The following RNF180 variants were observed in gnomAD, a reference collection of about 807,000 sequenced individuals.
RNF180 encodes ring finger protein 180, also known as E3 ubiquitin-protein ligase RNF180.
Under a neutral mutation model 59.2 loss-of-function variants are expected in RNF180, and 38 were observed. That is an observed-to-expected ratio of 0.64 (90% confidence interval 0.50 to 0.84). The LOEUF is 0.84. Ranked by LOEUF, RNF180 falls within the 40% of genes least tolerant of loss-of-function variation. RNF180 has a pLI of 0.00. For synonymous variants in RNF180, 262 were observed against 240.3 expected (o/e 1.09, Z -0.84); for missense variants, 705 against 700.9 (o/e 1.01, Z -0.07).
chr5:64,258,558 G>A (rs1019102013), intron 5 of RNF180, among the ~76,000 whole-genome samples: 1 of 152,098 alleles, frequency 6.6e-6, no homozygotes, highest in Non-Finnish European at 1.5e-5. Flanking sequence ...ATGAATGGGG[G>A]TGCTATTCCC....
At chr5:64,369,572 A>G (rs1746584860) in intron 7 of RNF180, 43 bp from the exon 8 acceptor site, 1 of 1,253,076 alleles carries the variant, frequency 8.0e-7, no homozygotes, top group Non-Finnish European at 1.1e-6. Context: ...TCTGAGCACT[A>G]GCTTGAATTT....
intron 5 of RNF180, among the ~76,000 whole-genome samples, chr5:64,307,568 C>T (rs1049805193): frequency 2.2e-4 from 34 of 151,550 alleles, no homozygotes; most frequent in Admixed American, 1.4e-3. Context: ...AGATGTTCCT[C>T]AACTTACAGT....
At chr5:64,314,840 A>C (rs1408178416) in intron 5 of RNF180, among the ~76,000 whole-genome samples, 2 of 152,164 alleles carry the variant, frequency 1.3e-5, no homozygotes, top group South Asian at 2.1e-4. Context: ...CTAGCTAGAC[A>C]TGCAGTCAGA....
At chr5:64,361,949 T>G (rs1233759123) in intron 7 of RNF180, among the ~76,000 whole-genome samples, 2 of 151,292 alleles carry the variant, frequency 1.3e-5, no homozygotes, top group Non-Finnish European at 3.0e-5. Context: ...GATATTAGAG[T>G]GGTTTGTGAT....
chr5:64,181,468 G>A (rs1287535780), intron 1 of RNF180, among the ~76,000 whole-genome samples: 1 of 152,188 alleles, frequency 6.6e-6, no homozygotes, highest in Non-Finnish European at 1.5e-5. Context: ...TTTTAAATGG[G>A]TTTCCTCTCC....
intron 6 of RNF180, among the ~76,000 whole-genome samples, chr5:64,327,502 A>G (rs1375444343): frequency 3.9e-5 from 6 of 152,134 alleles, no homozygotes; most frequent in African/African-American, 1.4e-4. Flanking sequence ...CTTGTTTCAC[A>G]TACTTTTTAA....
Position 64,165,872 on chromosome 5 carries a change from G to A in RNF180, c.-82G>A, listed in dbSNP as rs990004362. 1.4e-4 allele frequency: 22 copies of A among 152,228 alleles called. No individual in the cohort carries two copies. Among genetic ancestry groups the A allele is most frequent in the African/African-American group, 5.1e-4 (21 of 41,440 alleles). The allele number at this position is 152,228 out of a possible 1,614,324, so 9.4% of individuals were successfully genotyped here. ...CGGCATCGCCGCCGCCGGAGCCGCA[G>A]CGAGTCCTCAGAGCCTGGCTGCTGG... is the stretch of plus-strand genomic sequence containing the variant. On this transcript the variant is annotated 5_prime_UTR_variant, in exon 1 of 8. Transcript: ENST00000389100.
intron 5 of RNF180, among the ~76,000 whole-genome samples, chr5:64,235,742 C>T (rs1396481896): frequency 1.3e-5 from 2 of 151,934 alleles, no homozygotes; most frequent in African/African-American, 2.4e-5. Context: ...TGGATTTCCC[C>T]CTTGCTGTTC....
intron 1 of RNF180, among the ~76,000 whole-genome samples, chr5:64,193,986 A>G (rs1389572541): frequency 6.6e-6 from 1 of 152,170 alleles, no homozygotes; most frequent in Admixed American, 6.5e-5. Flanking sequence ...AGGAAGAGAG[A>G]CACACTTTAA....
chr5:64,211,516 C>T (rs540220349), intron 2 of RNF180, among the ~76,000 whole-genome samples: 2 of 152,026 alleles, frequency 1.3e-5, no homozygotes, highest in South Asian at 4.1e-4. Flanking sequence ...CTGCTTCAGG[C>T]GAAAAGGGCA....
At chr5:64,209,931 T>C (rs907595613) in intron 2 of RNF180, among the ~76,000 whole-genome samples, 1 of 152,152 alleles carries the variant, frequency 6.6e-6, no homozygotes, top group Non-Finnish European at 1.5e-5. Context: ...GATAAAGCTA[T>C]ACTGTTTAGT....
chr5:64,350,436 G>T lies in RNF180; in HGVS notation c.1580-19179G>T, dbSNP rs192376055. 4.8e-3 allele frequency among the ~76,000 whole-genome samples: 730 copies of T among 152,082 alleles called. 6 individuals carry two copies. Among genetic ancestry groups the T allele is most frequent in the African/African-American group, 0.016 (682 of 41,472 alleles). ...AATTAGATCCCATTTGTCAATTTTC[G>T]CTTTTGTTGCCATTGCTTTTGGTGT... On this transcript the variant is annotated intron_variant, in intron 7 of 7. Coordinates refer to ENST00000389100, the MANE Select transcript of RNF180 (RefSeq NM_001113561.2).
intron 5 of RNF180, among the ~76,000 whole-genome samples, chr5:64,267,190 T>G (rs942530815): frequency 6.6e-6 from 1 of 152,064 alleles, no homozygotes; most frequent in Non-Finnish European, 1.5e-5. Flanking sequence ...AGACCATGGT[T>G]TCTTAACCTG....
intron 5 of RNF180, among the ~76,000 whole-genome samples, chr5:64,250,827 G>A (rs139948875): frequency 2.0e-4 from 31 of 152,274 alleles, no homozygotes; most frequent in Admixed American, 4.6e-4. Flanking sequence ...AGAAATTGAA[G>A]AGGAGGGAAT....
At chr5:64,335,456 T>A (rs867200316) in intron 7 of RNF180, among the ~76,000 whole-genome samples, 15 of 149,716 alleles carry the variant, frequency 1.0e-4, no homozygotes, top group Admixed American at 6.7e-4. Flanking sequence ...TTTGTGTTAA[T>A]TTTTTTTTTA....
chr5:64,307,290 A>C (rs1350315800), intron 5 of RNF180, among the ~76,000 whole-genome samples: 4 of 151,444 alleles, frequency 2.6e-5, no homozygotes, highest in African/African-American at 7.3e-5. Flanking sequence ...TTAGGACATG[A>C]AACCTATTTG....
rs754915899 is a variant in RNF180 at position 64,370,537 on chromosome 5, T to C, written c.*723T>C. Reference sequence around the variant, plus strand: ...GACTTTTAGTAGTCTAAAAGAGCAATGCATGGTCCAAAATGTAATTTAGTG... The same window carrying C: ...GACTTTTAGTAGTCTAAAAGAGCAACGCATGGTCCAAAATGTAATTTAGTG... On this transcript the variant is annotated 3_prime_UTR_variant, in exon 8 of 8. Coordinates refer to ENST00000389100, the MANE Select transcript of RNF180 (RefSeq NM_001113561.2). The C allele has an allele frequency of 2.6e-5, 4 of 151,630 alleles. No individual in the cohort carries two copies. Among genetic ancestry groups the C allele is most frequent in the Non-Finnish European group, 5.9e-5 (4 of 67,748 alleles). The allele number at this position is 151,630 out of a possible 1,614,324, so 9.4% of individuals were successfully genotyped here.
At chr5:64,193,120 C>G (rs956683361) in intron 1 of RNF180, among the ~76,000 whole-genome samples, 1 of 151,228 alleles carries the variant, frequency 6.6e-6, no homozygotes, top group African/African-American at 2.4e-5. Context: ...TTGTGACTGT[C>G]GGGATGGGGG....
At chr5:64,312,252 C>A (rs894866482) in intron 5 of RNF180, among the ~76,000 whole-genome samples, 7 of 152,040 alleles carry the variant, frequency 4.6e-5, no homozygotes, top group Non-Finnish European at 7.4e-5. Context: ...AAAAAGATTT[C>A]TAACAAGATC....
Sources: gnomAD v4.1 joint callset for allele counts (sites outside exome capture counted in the v4.1 genomes callset) on GRCh38, gnomAD v4.1.1 for gene constraint, MANE v1.5 for transcripts, NCBI Gene and HGNC (gene_info 2026-07-23, HGNC 2026-07-21) for gene names.